The following EPHA7 variants were observed in gnomAD, a reference collection of about 807,000 sequenced individuals.
The protein encoded by EPHA7 is EPH receptor A7.
A neutral mutation model predicts 112.6 loss-of-function variants in EPHA7; 25 were observed. The ratio of observed to expected loss-of-function variants is 0.22; its 90% CI spans 0.16 to 0.31. The LOEUF is 0.31. EPHA7 is among the 10% of genes least tolerant of loss of function. The pLI is 1.00. For synonymous variants in EPHA7, 437 were observed against 406.5 expected (o/e 1.07, Z -0.90); for missense variants, 962 against 1,212.6 (o/e 0.79, Z 3.07).
At chr6:93,272,173 A>C (rs915777351) in intron 6 of EPHA7, 125 bp downstream of exon 6, 1 of 1,060,650 alleles carries the variant, frequency 9.4e-7, no homozygotes. Flanking sequence ...TAAATGGCTA[A>C]AATTAACTAC....
At chr6:93,288,029 A>G (rs78851754) in intron 5 of EPHA7, among the ~76,000 whole-genome samples, 10,397 of 152,202 alleles carry the variant, frequency 0.068, 535 homozygotes, top group Admixed American at 0.13. Context: ...AGTTTTTTTT[A>G]AAGAGTTAAA....
chr6:93,353,218 G>A (rs933714947), intron 5 of EPHA7, among the ~76,000 whole-genome samples: 3 of 152,012 alleles, frequency 2.0e-5, no homozygotes, highest in South Asian at 2.1e-4. Context: ...TCCGTTGTAC[G>A]TAACTTGATC....
Position 93,243,655 on chromosome 6 carries a change from A to C in EPHA7, c.2883-115T>G, listed in dbSNP as rs1769780554. ...ATCTTAGCCAAATAGATCTTATCTT[A>C]GTGTTCTTGGGTATTATGATCACAC... On this transcript the variant is annotated intron_variant, in intron 16 of 16. Coordinates refer to ENST00000369303, the MANE Select transcript of EPHA7 (RefSeq NM_004440.4). 3 of 707,854 alleles carry C rather than the reference A, an allele frequency of 4.2e-6. No homozygotes were observed. In the East Asian group the frequency reaches 7.9e-5, roughly 19 times the overall value. The allele number at this position is 707,854 out of a possible 1,614,324, so 43.8% of individuals were successfully genotyped here.
intron 3 of EPHA7, among the ~76,000 whole-genome samples, chr6:93,381,836 C>G (rs889498955): frequency 6.6e-6 from 1 of 151,932 alleles, no homozygotes; most frequent in Admixed American, 6.6e-5. Context: ...CACAGCCATA[C>G]TTAAGTCATC....
intron 5 of EPHA7, among the ~76,000 whole-genome samples, chr6:93,286,123 TTTGA>T (rs1476831741): frequency 6.6e-6 from 1 of 151,704 alleles, no homozygotes; most frequent in Non-Finnish European, 1.5e-5. Flanking sequence ...AAACTAGTAA[TTTGA>T]TTGTTGTTGT....
chr6:93,382,300 T>C (rs1582635874), intron 3 of EPHA7, among the ~76,000 whole-genome samples: 1 of 152,062 alleles, frequency 6.6e-6, no homozygotes, highest in Non-Finnish European at 1.5e-5. Flanking sequence ...AGGTATTAGT[T>C]AGAATCTCAT....
In EPHA7 at chr6:93,243,456, T is replaced by C; in HGVS notation, c.2967A>G (p.Leu989=). 1.9e-6 allele frequency: 3 copies of C among 1,613,438 alleles called. No individual in the cohort carries two copies. Among genetic ancestry groups the C allele is most frequent in the African/African-American group, 1.3e-5 (1 of 75,050 alleles). ...CTTGAATGCCAGTTCCATGTAAATGTAGCATTTGTGCTCTCATAGTCTGAA... is the reference window on the plus strand; with the variant it reads ...CTTGAATGCCAGTTCCATGTAAATGCAGCATTTGTGCTCTCATAGTCTGAA... ...SSIQTMRAQM[L]HLHGTGIQV Residue 989 remains leucine (L), a synonymous_variant, in exon 17 of 17, where the codon CTA becomes CTG. Coordinates refer to ENST00000369303, the MANE Select transcript of EPHA7 (RefSeq NM_004440.4).
rs796213868 is a variant in EPHA7 at position 93,395,614 on chromosome 6, T to C, written c.832+14887A>G. On this transcript the variant is annotated intron_variant, in intron 3 of 16. Coordinates refer to ENST00000369303, the MANE Select transcript of EPHA7 (RefSeq NM_004440.4). Reference sequence around the variant, plus strand: ...ACACACACACACACACACACACACATCTGTCCGTCACTCACTTTTTGAAGT... The same window carrying C: ...ACACACACACACACACACACACACACCTGTCCGTCACTCACTTTTTGAAGT... 6.1e-3 allele frequency among the ~76,000 whole-genome samples: 763 copies of C among 124,878 alleles called. 2 individuals carry two copies. The highest frequency in any genetic ancestry group is 0.023 in the African/African-American group (719 of 31,348). 81.9% of individuals were successfully genotyped at this position (124,878 alleles called of 152,430 possible).
Position 93,357,071 on chromosome 6 carries a change from A to AAT in EPHA7, c.989-21_989-20dup. 1 of 1,541,712 alleles carries AAT rather than the reference A, an allele frequency of 6.5e-7. No individual in the cohort carries two copies. Among genetic ancestry groups the AAT allele is most frequent in the East Asian group, 2.3e-5 (1 of 44,312 alleles). ...GGAGGCCCTTGGGAAACCAAGAATAAATAAGTAAATAAGCAAAAATAGAAA... is the reference window on the plus strand; with the variant it reads ...GGAGGCCCTTGGGAAACCAAGAATAAATATAAGTAAATAAGCAAAAATAGAAA... On this transcript the variant is annotated intron_variant, in intron 4 of 16. Coordinates refer to ENST00000369303, the MANE Select transcript of EPHA7 (RefSeq NM_004440.4).
At chr6:93,290,112 A>G (rs1333151160) in intron 5 of EPHA7, among the ~76,000 whole-genome samples, 1 of 152,016 alleles carries the variant, frequency 6.6e-6, no homozygotes, top group Non-Finnish European at 1.5e-5. Flanking sequence ...CTTGTCATAT[A>G]TGTATATGTG....
chr6:93,316,722 T>A (rs1284096815), intron 5 of EPHA7, among the ~76,000 whole-genome samples: 6 of 152,152 alleles, frequency 3.9e-5, no homozygotes, highest in Non-Finnish European at 8.8e-5. Context: ...TTACTATGTC[T>A]GATTATATTT....
intron 5 of EPHA7, among the ~76,000 whole-genome samples, chr6:93,294,530 C>A (rs957387678): frequency 6.6e-6 from 1 of 152,026 alleles, no homozygotes; most frequent in Non-Finnish European, 1.5e-5. Context: ...TGTTCCTTAA[C>A]ACATTTTTTT....
intron 3 of EPHA7, among the ~76,000 whole-genome samples, chr6:93,374,685 C>T (rs919830088): frequency 6.6e-6 from 1 of 152,106 alleles, no homozygotes; most frequent in African/African-American, 2.4e-5. Context: ...GGCTATGGAG[C>T]CAAACACCTT....
At chr6:93,363,121 T>G (rs1216421586) in intron 3 of EPHA7, among the ~76,000 whole-genome samples, 2 of 152,120 alleles carry the variant, frequency 1.3e-5, no homozygotes, top group Non-Finnish European at 2.9e-5. Flanking sequence ...AGGAAGGCTT[T>G]GATAGGACAC....
At chr6:93,283,397 G>C (rs1201015457) in intron 5 of EPHA7, among the ~76,000 whole-genome samples, 1 of 152,174 alleles carries the variant, frequency 6.6e-6, no homozygotes, top group Non-Finnish European at 1.5e-5. Flanking sequence ...CGAGCCAGCA[G>C]TGGCAATCCT....
chr6:93,411,180 T>G lies in EPHA7; in HGVS notation c.163-10A>C, dbSNP rs367986894. ...CACTAATTTCTTCCCACTGTAAAAT[T>G]TGAAAAAAGGTCATCAGTCATTCAG... On this transcript the variant is annotated splice_polypyrimidine_tract_variant and intron_variant, in intron 2 of 16. Transcript: ENST00000369303. 4.7e-4 allele frequency: 745 copies of G among 1,589,992 alleles called. 1 individual carries two copies. Among genetic ancestry groups the G allele is most frequent in the Non-Finnish European group, 5.7e-4 (664 of 1,168,936 alleles).
At chr6:93,405,481 T>A (rs1340059768) in intron 3 of EPHA7, among the ~76,000 whole-genome samples, 1 of 151,810 alleles carries the variant, frequency 6.6e-6, no homozygotes, top group Non-Finnish European at 1.5e-5. Context: ...TGTTCATTTG[T>A]TCATCACCAT....
chr6:93,265,938 T>C (rs1454380288), intron 7 of EPHA7, among the ~76,000 whole-genome samples: 1 of 151,654 alleles, frequency 6.6e-6, no homozygotes, highest in Non-Finnish European at 1.5e-5. Context: ...TAATTTTGTA[T>C]ACCTATGCTA....
chr6:93,416,191 C>T (rs1779213399), intron 1 of EPHA7, among the ~76,000 whole-genome samples: 1 of 152,084 alleles, frequency 6.6e-6, no homozygotes, highest in African/African-American at 2.4e-5. Flanking sequence ...CTTGTAACAT[C>T]GATAAATCGT....
Sources: allele counts gnomAD v4.1 joint callset (sites outside exome capture counted in the v4.1 genomes callset), GRCh38; gene constraint gnomAD v4.1.1; transcripts MANE v1.5; gene names NCBI Gene and HGNC (gene_info 2026-07-23, HGNC 2026-07-21).